The following CERKL variants were observed in gnomAD, a reference collection of about 807,000 sequenced individuals.
CERKL encodes ceramide kinase-like protein.
A neutral mutation model predicts 63.4 loss-of-function variants in CERKL; 61 were observed. The observed-to-expected ratio is 0.96, with a 90% CI of 0.78 to 1.19. CERKL has a LOEUF of 1.19. Ranked by LOEUF, CERKL falls within the 50% of genes most tolerant of loss-of-function variation. The pLI is 0.00. For synonymous variants in CERKL, 250 were observed against 230.5 expected (o/e 1.08, Z -0.77); for missense variants, 675 against 655.5 (o/e 1.03, Z -0.33).
chr2:181,606,183 GAAGA>G (rs1352549877), intron 1 of CERKL, among the ~76,000 whole-genome samples: 1 of 139,892 alleles, frequency 7.1e-6, no homozygotes, highest in Non-Finnish European at 1.5e-5. Flanking sequence ...AGGAAGGAAA[GAAGA>G]AAAAGGAAAG....
intron 10 of CERKL, among the ~76,000 whole-genome samples, chr2:181,545,792 T>C (rs572687740): frequency 1.3e-5 from 2 of 152,324 alleles, no homozygotes; most frequent in South Asian, 2.1e-4. Flanking sequence ...GCATCTTTAA[T>C]TGCATAATTT....
At chr2:181,545,104 T>A (rs1295145092) in intron 10 of CERKL, among the ~76,000 whole-genome samples, 3 of 152,192 alleles carry the variant, frequency 2.0e-5, no homozygotes, top group Non-Finnish European at 4.4e-5. Flanking sequence ...TAAAATACAA[T>A]GTAATTAGAA....
intron 4 of CERKL, chr2:181,565,400 T>A (rs1422517550): frequency 6.5e-7 from 1 of 1,543,826 alleles, no homozygotes; most frequent in African/African-American, 1.4e-5. Flanking sequence ...TCACCTAATT[T>A]TAAAAAATGG....
In CERKL at chr2:181,547,688, A is replaced by G. The variant is rs949291156; in HGVS notation, c.1198T>C (p.Leu400=). ...GGAATTGCCATAATGCTGACATTCA[A>G]GAACTGACCCTGGATCATTTGCCAT... The part of the protein sequence containing the change: ...DQWQMIQGQF[L]NVSIMAIPCL... The change falls in exon 10 of 13, where the codon TTG becomes CTG. Residue 400 remains leucine (L), a synonymous_variant. Transcript: ENST00000410087. 5 of 1,614,128 alleles carry G rather than the reference A, an allele frequency of 3.1e-6. No homozygotes were observed. The highest frequency in any genetic ancestry group is 3.3e-5 in the Admixed American group (2 of 60,010).
intron 11 of CERKL, among the ~76,000 whole-genome samples, chr2:181,541,410 G>A (rs1230389193): frequency 1.3e-5 from 2 of 152,128 alleles, no homozygotes; most frequent in African/African-American, 2.4e-5. Flanking sequence ...TATTTGTTAT[G>A]GCAACCTTAG....
intron 3 of CERKL, among the ~76,000 whole-genome samples, chr2:181,572,213 C>T (rs761111285): frequency 6.6e-6 from 1 of 152,058 alleles, no homozygotes; most frequent in Non-Finnish European, 1.5e-5. Context: ...AGTTCAAATG[C>T]TTTTCTTGAA....
At chr2:181,549,536 A>G in intron 6 of CERKL, 98 bp downstream of exon 6, 1 of 959,170 alleles carries the variant, frequency 1.0e-6, no homozygotes, top group African/African-American at 1.6e-5. Flanking sequence ...GAGACAAAGA[A>G]CCTGCCTTTT....
Position 181,553,195 on chromosome 2 carries a change from T to C in CERKL, c.821-3487A>G, listed in dbSNP as rs1162278649. On this transcript the variant is annotated intron_variant, in intron 5 of 12. Transcript: ENST00000410087. ...AGAAACCTGTTACTCAGTGGATCTTTATCAAGGTCTTTCCAATGATCTTGT... is the reference window on the plus strand; with the variant it reads ...AGAAACCTGTTACTCAGTGGATCTTCATCAAGGTCTTTCCAATGATCTTGT... Among the ~76,000 whole-genome samples, 5 of 152,174 alleles carry C rather than the reference T, an allele frequency of 3.3e-5. No individual in the cohort carries two copies. In the East Asian group the frequency reaches 9.7e-4, roughly 29 times the overall value.
At chr2:181,598,289 A>C (rs1427701782) in intron 2 of CERKL, among the ~76,000 whole-genome samples, 1 of 152,172 alleles carries the variant, frequency 6.6e-6, no homozygotes, top group Non-Finnish European at 1.5e-5. Context: ...CCCCAAGACC[A>C]TTTTGGTGGT....
chr2:181,604,186 A>G (rs1170191047), intron 1 of CERKL, 107 bp from the exon 2 acceptor site: 2 of 882,248 alleles, frequency 2.3e-6, no homozygotes, highest in Non-Finnish European at 3.5e-6. Context: ...GGAGAGGATC[A>G]AGAAAAATAA....
chr2:181,632,791 G>C (rs1687023272), intron 1 of CERKL, among the ~76,000 whole-genome samples: 1 of 152,184 alleles, frequency 6.6e-6, no homozygotes, highest in Non-Finnish European at 1.5e-5. Context: ...AGTGGGGACA[G>C]ACAGATGGGA....
intron 2 of CERKL, among the ~76,000 whole-genome samples, chr2:181,599,178 T>A (rs1685352694): frequency 6.6e-6 from 1 of 152,172 alleles, no homozygotes; most frequent in Non-Finnish European, 1.5e-5. Context: ...GAGATAGCCA[T>A]ATTAAGATAA....
intron 1 of CERKL, among the ~76,000 whole-genome samples, chr2:181,642,297 G>A (rs1687475599): frequency 6.6e-6 from 1 of 152,178 alleles, no homozygotes; most frequent in Non-Finnish European, 1.5e-5. Flanking sequence ...CTCACTTGGG[G>A]TGTACACAAC....
intron 5 of CERKL, among the ~76,000 whole-genome samples, chr2:181,555,262 C>A (rs1031707502): frequency 5.9e-5 from 9 of 152,050 alleles, no homozygotes; most frequent in African/African-American, 1.2e-4. Context: ...ATGAAGTGTC[C>A]TAAGCACATC....
intron 10 of CERKL, among the ~76,000 whole-genome samples, chr2:181,545,724 G>A (rs570081293): frequency 2.6e-4 from 40 of 152,178 alleles, no homozygotes; most frequent in Middle Eastern, 3.4e-3. Context: ...TTTCCATCAT[G>A]CTTCTTCTTC....
At chr2:181,656,585 C>T (rs1417507990) in intron 1 of CERKL, among the ~76,000 whole-genome samples, 184 bp downstream of exon 1, 1 of 151,216 alleles carries the variant, frequency 6.6e-6, no homozygotes, top group East Asian at 1.9e-4. Flanking sequence ...GGCGTGAGTT[C>T]CCAGTTGGGA....
rs764571052 is a variant in CERKL at position 181,549,700 on chromosome 2, T to A, written c.829A>T (p.Asn277Tyr). Residue 277 changes from asparagine to tyrosine, a missense_variant, in exon 6 of 13, where the codon AAT (asparagine) becomes TAT (tyrosine). By Grantham distance (143) the Asn-to-Tyr change is moderately radical. Coordinates refer to ENST00000410087, the MANE Select transcript of CERKL (RefSeq NM_201548.5). The stretch of plus-strand genomic sequence containing the variant: ...CCATGAAGAGAATGTGCCAATACAT[T>A]GGTAGATCCTGCCAAAGCAATTTTA... ...PLGLIPAGST[N>Y]VLAHSLHGVP... is the part of the protein sequence containing the mutation. 6.2e-6 allele frequency: 10 copies of A among 1,610,874 alleles called. No homozygotes were observed. Among genetic ancestry groups the A allele is most frequent in the Non-Finnish European group, 7.6e-6 (9 of 1,177,332 alleles).
chr2:181,561,909 G>A (rs1008591074), intron 4 of CERKL, among the ~76,000 whole-genome samples: 9 of 152,092 alleles, frequency 5.9e-5, no homozygotes, highest in African/African-American at 2.2e-4. Flanking sequence ...TCCCTCCTGG[G>A]TTCAAGTGAT....
At position 181,537,054 on chromosome 2, in the gene CERKL, G is replaced by A. The variant is rs1169759385; in HGVS notation, c.*1130C>T. 2.2e-6 allele frequency: 1 copy of A among 444,712 alleles called. No individual in the cohort carries two copies. Among genetic ancestry groups the A allele is most frequent in the East Asian group, 7.0e-5 (1 of 14,324 alleles). The allele number at this position is 444,712 out of a possible 1,614,324, so 27.5% of individuals were successfully genotyped here. A position where few individuals can be genotyped will look rare whatever the true frequency, so the allele number is the denominator to read the frequency against. ...TGCGAAGGCATTTGAGTAGTGAAAT[G>A]TAAGCACAAAACCTCCTGAACCCAG... On this transcript the variant is annotated 3_prime_UTR_variant, in exon 13 of 13. Transcript: ENST00000410087.
Sources: allele counts gnomAD v4.1 joint callset (sites outside exome capture counted in the v4.1 genomes callset), GRCh38; gene constraint gnomAD v4.1.1; transcripts MANE v1.5; gene names NCBI Gene and HGNC (gene_info 2026-07-23, HGNC 2026-07-21).